The following NAALADL2 variants were observed in gnomAD, a reference collection of about 807,000 sequenced individuals.
The protein encoded by NAALADL2 is N-acetylated alpha-linked acidic dipeptidase like 2.
In NAALADL2, 76 loss-of-function variants were observed where a neutral mutation model predicts 87.2. That is an observed-to-expected ratio of 0.87 (90% CI 0.72 to 1.05). The LOEUF (loss-of-function observed/expected upper bound fraction) is 1.05. Among genes scored for constraint, NAALADL2 ranks in the 50% least tolerant of loss-of-function variants. The pLI is 0.00. For synonymous variants in NAALADL2, 354 were observed against 331.0 expected, an observed-to-expected ratio of 1.07 and a Z score of -0.75; for missense variants, 1,089 against 945.8, an observed-to-expected ratio of 1.15 and a Z score of -1.99.
intron 3 of NAALADL2, among the ~76,000 whole-genome samples, chr3:174,842,691 T>C (rs1724159020): frequency 6.6e-6 from 1 of 152,202 alleles, no homozygotes; most frequent in South Asian, 2.1e-4. Flanking sequence ...TCACTTCTAC[T>C]TGACATCCGG....
chr3:175,219,872 T>C (rs937408075), intron 2 of NAALADL2, among the ~76,000 whole-genome samples: 8 of 150,432 alleles, frequency 5.3e-5, no homozygotes, highest in African/African-American at 1.7e-4. Context: ...TTCTTTCTTT[T>C]TTTTTTTTTT....
intron 5 of NAALADL2, among the ~76,000 whole-genome samples, chr3:175,348,345 A>G (rs1460503334): frequency 6.6e-6 from 1 of 152,146 alleles, no homozygotes; most frequent in Non-Finnish European, 1.5e-5. Context: ...CATAAAATAC[A>G]TTTTCTTACT....
Position 175,588,781 on chromosome 3 carries a change from G to A in NAALADL2, c.1800+12594G>A, listed in dbSNP as rs143327770. On this transcript the variant is annotated intron_variant, in intron 10 of 13. Coordinates refer to ENST00000454872, the MANE Select transcript of NAALADL2 (RefSeq NM_207015.3). ...TCTCGATCTCCTGACCTCGTGATCCGCCCGCCTTGGCCTCCCAAAGTGCTG... is the reference window on the plus strand; with the variant it reads ...TCTCGATCTCCTGACCTCGTGATCCACCCGCCTTGGCCTCCCAAAGTGCTG... Among the ~76,000 whole-genome samples, 274 of 152,000 alleles carry A rather than the reference G, an allele frequency of 1.8e-3. 2 individuals are homozygous for A. The highest frequency in any genetic ancestry group is 0.017 in the Middle Eastern group (5 of 294).
intron 2 of NAALADL2, among the ~76,000 whole-genome samples, chr3:175,208,329 G>C (rs962313488): frequency 6.6e-6 from 1 of 152,060 alleles, no homozygotes; most frequent in Non-Finnish European, 1.5e-5. Context: ...AACCTATCTT[G>C]CTTTGCTAGT....
intron 5 of NAALADL2, among the ~76,000 whole-genome samples, chr3:175,396,099 A>G (rs1769742206): frequency 6.6e-6 from 1 of 152,202 alleles, no homozygotes; most frequent in Non-Finnish European, 1.5e-5. Context: ...TTAAATCATA[A>G]AATAAAACCC....
chr3:174,612,540 T>A (rs917849731), intron 2 of NAALADL2, among the ~76,000 whole-genome samples: 1 of 152,110 alleles, frequency 6.6e-6, no homozygotes, highest in African/African-American at 2.4e-5. Context: ...AGCTCACTAA[T>A]TATTTCTTCT....
At chr3:175,133,930 C>T (rs1236617839) in intron 2 of NAALADL2, among the ~76,000 whole-genome samples, 1 of 152,124 alleles carries the variant, frequency 6.6e-6, no homozygotes, top group Non-Finnish European at 1.5e-5. Context: ...AAAACATTTT[C>T]CCCAAATCAA....
intron 11 of NAALADL2, among the ~76,000 whole-genome samples, chr3:175,727,778 G>T (rs1400326177): frequency 6.6e-6 from 1 of 152,094 alleles, no homozygotes; most frequent in Non-Finnish European, 1.5e-5. Flanking sequence ...TGGAAGCAAG[G>T]CCTTTGGCAA....
In NAALADL2 at chr3:174,472,068, G is replaced by T. The variant is rs568393213; in HGVS notation, c.-184+31036G>T. ...ATTTTCTATACTCCTTGAGAAGCAA[G>T]ATTTATTTTTCCATGTCATCCTTCT... On this transcript the variant is annotated intron_variant, in intron 1 of 3. Coordinates refer to the NAALADL2 transcript ENST00000434257. Among the ~76,000 whole-genome samples, 6 of 152,174 alleles carry T rather than the reference G, an allele frequency of 3.9e-5. No homozygotes were observed. In the East Asian group the frequency reaches 1.2e-3, roughly 29 times the overall value.
chr3:175,316,344 T>A (rs1282557352), intron 4 of NAALADL2, among the ~76,000 whole-genome samples: 1 of 152,198 alleles, frequency 6.6e-6, no homozygotes, highest in Non-Finnish European at 1.5e-5. Context: ...TTTCTCTGAC[T>A]GTCTGCTCCT....
At chr3:175,074,984 G>A (rs544276137) in intron 1 of NAALADL2, among the ~76,000 whole-genome samples, 3 of 152,138 alleles carry the variant, frequency 2.0e-5, no homozygotes, top group Non-Finnish European at 2.9e-5. Flanking sequence ...TAAAATAGGT[G>A]TTAGAGAGAT....
At chr3:174,672,959 T>C (rs947852984) in intron 2 of NAALADL2, among the ~76,000 whole-genome samples, 1 of 151,950 alleles carries the variant, frequency 6.6e-6, no homozygotes, top group African/African-American at 2.4e-5. Flanking sequence ...CGTGGGGTTG[T>C]ACACAGAGGC....
At chr3:174,925,534 G>T (rs138058254) in intron 1 of NAALADL2, among the ~76,000 whole-genome samples, 1,538 of 152,282 alleles carry the variant, frequency 0.01, 26 homozygotes, top group African/African-American at 0.035. Context: ...TTTCGGCTTA[G>T]AATTGTTTTG....
chr3:174,546,910 G>T (rs542572551), intron 1 of NAALADL2, among the ~76,000 whole-genome samples: 3 of 152,134 alleles, frequency 2.0e-5, no homozygotes, highest in South Asian at 2.1e-4. Context: ...ATTGTATCTT[G>T]TTTCCTGTTC....
chr3:174,490,218 C>T (rs1718097301), intron 1 of NAALADL2, among the ~76,000 whole-genome samples: 3 of 151,978 alleles, frequency 2.0e-5, no homozygotes, highest in Admixed American at 6.6e-5. Flanking sequence ...TGGAATATTA[C>T]TTGGCAATAA....
At chr3:175,737,599 T>C (rs1035991195) in intron 12 of NAALADL2, among the ~76,000 whole-genome samples, 200 bp downstream of exon 12, 26 of 151,834 alleles carry the variant, frequency 1.7e-4, no homozygotes, top group Non-Finnish European at 4.4e-5. Flanking sequence ...GTAAGCATAA[T>C]GGAGAATATC....
intron 1 of NAALADL2, among the ~76,000 whole-genome samples, chr3:174,446,040 A>C (rs370122796): frequency 1.3e-4 from 20 of 152,262 alleles, no homozygotes; most frequent in African/African-American, 4.8e-4. Context: ...TTGTTTTGAC[A>C]TTTTGATCTG....
rs974523475 is a variant in NAALADL2 at position 174,759,943 on chromosome 3, C to T, written c.-9+22197C>T. 3.9e-5 allele frequency among the ~76,000 whole-genome samples: 6 copies of T among 152,158 alleles called. No homozygotes were observed. The South Asian group carries it at 1.2e-3, about 31-fold the overall frequency. ...CTCGAACTCCTGACCTTGTGATCTG[C>T]CCGCCTCTGCCTCCCAAAGTGCTGG... On this transcript the variant is annotated intron_variant, in intron 3 of 3. Transcript: ENST00000434257.
chr3:175,639,258 T>C (rs1437013336), intron 11 of NAALADL2, among the ~76,000 whole-genome samples: 1 of 151,982 alleles, frequency 6.6e-6, no homozygotes, highest in East Asian at 1.9e-4. Flanking sequence ...CACTTGTTCA[T>C]ACTGGCTTAT....
Sources: gnomAD v4.1 joint callset for allele counts (sites outside exome capture counted in the v4.1 genomes callset) on GRCh38, gnomAD v4.1.1 for gene constraint, MANE v1.5 for transcripts, NCBI Gene and HGNC (gene_info 2026-07-23, HGNC 2026-07-21) for gene names.